Variants in RPS6KA2 observed in about 807,000 individuals in gnomAD.
RPS6KA2 encodes ribosomal protein S6 kinase alpha-2.
RPS6KA2 carries 42 observed loss-of-function variants against 91.8 expected under a neutral mutation model. That is an observed-to-expected ratio of 0.46 (90% CI 0.36 to 0.59). The LOEUF (loss-of-function observed/expected upper bound fraction) is 0.59, where lower values mean the gene tolerates loss of function less well. RPS6KA2 is among the 20% of genes least tolerant of loss of function. The pLI is 0.00. For synonymous variants in RPS6KA2, 414 were observed against 393.6 expected, an observed-to-expected ratio of 1.05 and a Z score of -0.61; for missense variants, 798 against 978.5, an observed-to-expected ratio of 0.82 and a Z score of 2.46.
At chr6:166,579,130 G>A (rs1034000281) in intron 1 of RPS6KA2, among the ~76,000 whole-genome samples, 6 of 152,194 alleles carry the variant, frequency 3.9e-5, no homozygotes, top group African/African-American at 1.2e-4. Flanking sequence ...CCACCGCCTG[G>A]CCGTATCTGC....
At chr6:166,586,609 C>T in intron 1 of RPS6KA2, 3 of 785,936 alleles carry the variant, frequency 3.8e-6, no homozygotes, top group South Asian at 1.8e-5. Flanking sequence ...GGAGAGGTGG[C>T]CTCTGGTCCA....
In RPS6KA2 at chr6:166,445,152, C is replaced by T. The variant is rs534275299; in HGVS notation, c.1332+3572G>A. Among the ~76,000 whole-genome samples the T allele has an allele frequency of 5.9e-5, 9 of 151,692 alleles. No individual in the cohort carries two copies. The South Asian group carries it at 8.3e-4, about 14-fold the overall frequency. On this transcript the variant is annotated intron_variant, in intron 14 of 20. Coordinates refer to ENST00000265678, the MANE Select transcript of RPS6KA2 (RefSeq NM_021135.6). The surrounding 1 kb of genome is among the most constrained non-coding windows in gnomAD (Gnocchi z 4.5). The stretch of plus-strand genomic sequence containing the variant: ...CTCACTATGAACCTCCATACCTGAC[C>T]GTCATAGAGGTGAAGAGCTGGCCCC...
chr6:166,714,339 C>G (rs568311509), intron 2 of RPS6KA2, among the ~76,000 whole-genome samples: 2 of 152,104 alleles, frequency 1.3e-5, no homozygotes, highest in Non-Finnish European at 2.9e-5. Flanking sequence ...TGTTTCGGGT[C>G]CTGGGAAGAG....
Position 166,665,601 on chromosome 6 carries a change from T to C in RPS6KA2, c.124-126817A>G, listed in dbSNP as rs1788292646. On this transcript the variant is annotated intron_variant, in intron 2 of 21. Coordinates refer to the RPS6KA2 transcript ENST00000503859. The surrounding 1 kb of genome is among the most constrained non-coding windows in gnomAD (Gnocchi z 4.5). Reference sequence around the variant, plus strand: ...GCAAACTACTTTCAGAAACGTGTTCTCTTCTGAAAGACTCCAGAGCCAGTG... The same window carrying C: ...GCAAACTACTTTCAGAAACGTGTTCCCTTCTGAAAGACTCCAGAGCCAGTG... 6.6e-6 allele frequency among the ~76,000 whole-genome samples: 1 copy of C among 152,134 alleles called. No individual in the cohort carries two copies. The highest frequency in any genetic ancestry group is 1.5e-5 in the Non-Finnish European group (1 of 68,034).
intron 2 of RPS6KA2, among the ~76,000 whole-genome samples, chr6:166,807,501 C>T (rs915341597): frequency 2.0e-5 from 3 of 152,140 alleles, no homozygotes; most frequent in South Asian, 2.1e-4. Context: ...CTCTTCCTAA[C>T]GCACAGCCAG....
intron 2 of RPS6KA2, among the ~76,000 whole-genome samples, chr6:166,656,446 C>A (rs1243906735): frequency 6.6e-6 from 1 of 152,200 alleles, no homozygotes; most frequent in Non-Finnish European, 1.5e-5. Flanking sequence ...CCTCCCCTGC[C>A]CTGCCTGAGT....
intron 2 of RPS6KA2, among the ~76,000 whole-genome samples, chr6:166,759,947 C>T (rs1210816841): frequency 1.3e-5 from 2 of 152,192 alleles, no homozygotes; most frequent in Non-Finnish European, 2.9e-5. Context: ...AAAATATTTT[C>T]CTGAAAACTT....
At chr6:166,420,058 CA>C (rs1225686767) in intron 17 of RPS6KA2, 100 bp from the exon 18 acceptor site, 1 of 1,135,408 alleles carries the variant, frequency 8.8e-7, no homozygotes, top group Non-Finnish European at 1.3e-6. Context: ...AGCTGGGGAC[CA>C]GGAGGAGGGC....
At chr6:166,568,457 T>C (rs888669892) in intron 1 of RPS6KA2, among the ~76,000 whole-genome samples, 1 of 146,176 alleles carries the variant, frequency 6.8e-6, no homozygotes, top group Non-Finnish European at 1.5e-5. Flanking sequence ...CTACTAAAGA[T>C]ACAAAAAAAA....
intron 2 of RPS6KA2, among the ~76,000 whole-genome samples, chr6:166,795,473 A>G (rs1213243607): frequency 6.6e-6 from 1 of 152,252 alleles, no homozygotes; most frequent in Non-Finnish European, 1.5e-5. Flanking sequence ...GTGCCCAGCA[A>G]GAGTGACTTT....
chr6:166,543,362 C>G (rs986335125), intron 1 of RPS6KA2, among the ~76,000 whole-genome samples: 1 of 152,168 alleles, frequency 6.6e-6, no homozygotes, highest in Non-Finnish European at 1.5e-5. Flanking sequence ...AGATTCCAGG[C>G]CCTGGGCAAG....
chr6:166,854,204 G>C (rs1780825923), intron 2 of RPS6KA2, among the ~76,000 whole-genome samples: 1 of 152,126 alleles, frequency 6.6e-6, no homozygotes, highest in Non-Finnish European at 1.5e-5. Context: ...GGTGAATAAA[G>C]GTGTATTGCA....
At chr6:166,750,085 A>T (rs1040129978) in intron 2 of RPS6KA2, among the ~76,000 whole-genome samples, 1 of 152,124 alleles carries the variant, frequency 6.6e-6, no homozygotes, top group Admixed American at 6.5e-5. Context: ...CAGGGGCCGC[A>T]CCAAGTGCCC....
intron 1 of RPS6KA2, among the ~76,000 whole-genome samples, chr6:166,544,423 C>T (rs1255052581): frequency 2.6e-5 from 4 of 152,148 alleles, no homozygotes; most frequent in Admixed American, 2.0e-4. Context: ...CGTGGGTCCT[C>T]GGCCTTTGGT....
At chr6:166,477,910 A>C (rs777839946) in intron 10 of RPS6KA2, among the ~76,000 whole-genome samples, 1 of 152,238 alleles carries the variant, frequency 6.6e-6, no homozygotes, top group African/African-American at 2.4e-5. Context: ...ACCCTGTTTA[A>C]AAAAGGAAAG....
rs10946179 is a variant in RPS6KA2 at position 166,626,975 on chromosome 6, A to G, written c.45T>C (p.Ser15=). ...AGCGCGACTTCCTGCGCAGGTACAC[A>G]GAGAAGAACCTGCGCACGGCGAACT... is the stretch of plus-strand genomic sequence containing the variant. ...MKKFAVRRFF[S]VYLRRKSRSK... Residue 15 remains serine (S), a synonymous_variant, in exon 1 of 21, where the codon TCT becomes TCC. Transcript: ENST00000265678. This position sits in a 1 kb window ranked among gnomAD's most constrained non-coding sequence, Gnocchi z 4.1. The G allele has an allele frequency of 0.17, 267,611 of 1,560,132 alleles. 23,654 individuals are homozygous for G. Among genetic ancestry groups the G allele is most frequent in the East Asian group, 0.19 (7,732 of 39,740 alleles).
intron 1 of RPS6KA2, among the ~76,000 whole-genome samples, chr6:166,575,485 A>G (rs1583293398): frequency 6.6e-6 from 1 of 152,338 alleles, no homozygotes; most frequent in East Asian, 1.9e-4. Context: ...CCAGAAGGGA[A>G]AAAAGCCAGC....
chr6:166,705,789 C>G (rs1033071700), intron 2 of RPS6KA2, among the ~76,000 whole-genome samples: 9 of 152,166 alleles, frequency 5.9e-5, no homozygotes, highest in African/African-American at 1.9e-4. Context: ...TTAAAAATTA[C>G]TAGCAATTAT....
chr6:166,679,287 C>T (rs1363269054), intron 2 of RPS6KA2, among the ~76,000 whole-genome samples: 2 of 148,788 alleles, frequency 1.3e-5, no homozygotes, highest in African/African-American at 4.9e-5. Context: ...AACCCCAACT[C>T]TCTTTAAAAA....
Sources: allele counts gnomAD v4.1 joint callset (sites outside exome capture counted in the v4.1 genomes callset), GRCh38; gene constraint gnomAD v4.1.1; non-coding constraint Gnocchi (gnomAD v3.1); transcripts MANE v1.5; gene names NCBI Gene and HGNC (gene_info 2026-07-23, HGNC 2026-07-21).